The following HPSE2 variants were observed in gnomAD, a reference collection of about 807,000 sequenced individuals.
The protein encoded by HPSE2 is heparanase 2 (inactive).
A neutral mutation model predicts 60.5 loss-of-function variants in HPSE2; 38 were observed. That is an observed-to-expected ratio of 0.63 (90% CI 0.48 to 0.82). The LOEUF is 0.82. Among genes scored for constraint, HPSE2 ranks in the 40% least tolerant of loss-of-function variants. HPSE2 has a pLI of 0.00. For missense variants in HPSE2, 713 were observed against 740.4 expected (o/e 0.96, Z 0.43); for synonymous variants, 295 against 293.2 (o/e 1.01, Z -0.06).
chr10:98,955,548 C>T (rs1430516217), intron 3 of HPSE2, among the ~76,000 whole-genome samples: 1 of 152,000 alleles, frequency 6.6e-6, no homozygotes. Context: ...AAGACAGTGG[C>T]GATTCTTCAA....
At chr10:99,193,963 A>G (rs1402630844) in intron 2 of HPSE2, among the ~76,000 whole-genome samples, 1 of 152,048 alleles carries the variant, frequency 6.6e-6, no homozygotes, top group Non-Finnish European at 1.5e-5. Flanking sequence ...TTCATCCAAG[A>G]GCTGGAGAAT....
chr10:98,616,180 A>G (rs1196547325), intron 8 of HPSE2, among the ~76,000 whole-genome samples: 1 of 152,186 alleles, frequency 6.6e-6, no homozygotes, highest in East Asian at 1.9e-4. Flanking sequence ...TGCCCCAGCC[A>G]ACAGTGGTAC....
In HPSE2 at chr10:99,144,505, C is replaced by T. The variant is rs1845979889; in HGVS notation, c.449-106G>A. On this transcript the variant is annotated intron_variant, in intron 2 of 11. Transcript: ENST00000370552. ...CCAAAATGACAGAATTAATAAGCTACCAGCATTTTCATCAACCTAAAGAGA... is the reference window on the plus strand; with the variant it reads ...CCAAAATGACAGAATTAATAAGCTATCAGCATTTTCATCAACCTAAAGAGA... The T allele has an allele frequency of 7.6e-6, 10 of 1,321,566 alleles. No individual in the cohort carries two copies. The East Asian group carries it at 1.4e-4, about 19-fold the overall frequency. 81.9% of individuals were successfully genotyped at this position (1,321,566 alleles called of 1,614,324 possible).
chr10:98,761,219 A>G (rs1268240715), intron 3 of HPSE2, among the ~76,000 whole-genome samples: 2 of 152,088 alleles, frequency 1.3e-5, no homozygotes, highest in Non-Finnish European at 2.9e-5. Context: ...TCTAACTAAC[A>G]TGGGAATAAT....
intron 6 of HPSE2, among the ~76,000 whole-genome samples, chr10:98,666,636 A>G (rs1947370727): frequency 6.6e-6 from 1 of 152,230 alleles, no homozygotes; most frequent in African/African-American, 2.4e-5. Context: ...AAGATCTCTC[A>G]GAACTACACA....
chr10:98,763,112 C>A (rs1258682293), intron 3 of HPSE2, among the ~76,000 whole-genome samples: 21 of 150,584 alleles, frequency 1.4e-4, no homozygotes, highest in Admixed American at 1.3e-3. Context: ...AGAAAAAAAT[C>A]AATAAACTTA....
chr10:98,922,517 T>G (rs971413689), intron 3 of HPSE2, among the ~76,000 whole-genome samples: 3 of 152,146 alleles, frequency 2.0e-5, no homozygotes, highest in Non-Finnish European at 4.4e-5. Context: ...GCTTGACCAG[T>G]CAGAAACAAC....
At chr10:98,857,923 G>A (rs1952356923) in intron 3 of HPSE2, among the ~76,000 whole-genome samples, 3 of 152,044 alleles carry the variant, frequency 2.0e-5, no homozygotes, top group Admixed American at 2.0e-4. Flanking sequence ...AAAATGTGAG[G>A]GCTGTATTTT....
At chr10:99,071,349 C>T (rs1404017356) in intron 3 of HPSE2, among the ~76,000 whole-genome samples, 3 of 152,162 alleles carry the variant, frequency 2.0e-5, no homozygotes, top group African/African-American at 7.2e-5. Context: ...GGATTATAGG[C>T]ATAAGCCGCC....
At chr10:99,063,404 T>G (rs1539397) in intron 3 of HPSE2, among the ~76,000 whole-genome samples, 121,917 of 151,848 alleles carry the variant, frequency 0.8, 51,121 homozygotes, top group South Asian at 0.94. Context: ...TCTCATTAGG[T>G]ATAAGGAAAT....
intron 3 of HPSE2, among the ~76,000 whole-genome samples, chr10:99,094,627 G>A (rs1242480748): frequency 7.7e-6 from 1 of 129,754 alleles, no homozygotes; most frequent in Non-Finnish European, 1.5e-5. Context: ...TGCCATCTTG[G>A]CTCTCTGCAA....
At chr10:99,224,807 C>A (rs1849420987) in intron 2 of HPSE2, among the ~76,000 whole-genome samples, 1 of 152,016 alleles carries the variant, frequency 6.6e-6, no homozygotes, top group African/African-American at 2.4e-5. Context: ...CCTTTTTCCC[C>A]AAGGTGGTAA....
At chr10:99,016,617 C>A (rs140144312) in intron 3 of HPSE2, among the ~76,000 whole-genome samples, 5 of 152,020 alleles carry the variant, frequency 3.3e-5, no homozygotes, top group Non-Finnish European at 7.4e-5. Flanking sequence ...AAATTGCTTT[C>A]GGCAATATGG....
intron 4 of HPSE2, among the ~76,000 whole-genome samples, chr10:98,737,610 T>C (rs979700962): frequency 2.0e-5 from 3 of 152,068 alleles, no homozygotes; most frequent in East Asian, 1.9e-4. Context: ...CTTAAGCTGA[T>C]AGCAACTTCA....
chr10:99,009,457 T>C (rs1258384454), intron 3 of HPSE2, among the ~76,000 whole-genome samples: 1 of 151,956 alleles, frequency 6.6e-6, no homozygotes, highest in Admixed American at 6.6e-5. Context: ...GGACTGAACA[T>C]CAGGGATAGC....
At chr10:99,281,594 T>C in the HPSE2 span, among the ~76,000 whole-genome samples, 1 of 152,278 alleles carries the variant, frequency 6.6e-6, no homozygotes. Flanking sequence ...CTGAAAAGTA[T>C]GCTACTTGGG....
At chr10:98,629,507 TG>T (rs1439031919) in intron 7 of HPSE2, among the ~76,000 whole-genome samples, 1 of 152,176 alleles carries the variant, frequency 6.6e-6, no homozygotes, top group Admixed American at 6.5e-5. Flanking sequence ...CCTTCTTTTG[TG>T]TTTTTTGACT....
In HPSE2 at chr10:98,743,937, G is replaced by A. The variant is rs765943631; in HGVS notation, c.730C>T (p.Leu244=). 6.2e-7 allele frequency: 1 copy of A among 1,614,010 alleles called. No individual in the cohort carries two copies. The highest frequency in any genetic ancestry group is 1.7e-5 in the Admixed American group (1 of 60,022). Reference sequence around the variant, plus strand: ...TTTTTGCTGGCGCTGTACTTCAACAGACTCAGGGCACTAGAACTGTTCCAG... The same window carrying A: ...TTTTTGCTGGCGCTGTACTTCAACAAACTCAGGGCACTAGAACTGTTCCAG... ...NSWNSSSALS[L]LKYSASKKYN... is the part of the protein sequence containing the mutation. The change falls in exon 4 of 12, where the codon CTG becomes TTG. Residue 244 remains leucine, a synonymous_variant. Coordinates refer to ENST00000370552, the MANE Select transcript of HPSE2 (RefSeq NM_021828.5).
At chr10:99,259,492 G>A in the HPSE2 span, among the ~76,000 whole-genome samples, 1 of 152,078 alleles carries the variant, frequency 6.6e-6, no homozygotes, top group African/African-American at 2.4e-5. Flanking sequence ...CAGATACTTT[G>A]CCAAAGAAGA....
Sources: allele counts gnomAD v4.1 joint callset (sites outside exome capture counted in the v4.1 genomes callset), GRCh38; gene constraint gnomAD v4.1.1; transcripts MANE v1.5; gene names NCBI Gene and HGNC (gene_info 2026-07-23, HGNC 2026-07-21).